PEX14: variants seen among roughly 807,000 people sequenced by gnomAD.
The protein encoded by PEX14 is peroxisomal membrane protein PEX14.
PEX14 carries 15 observed loss-of-function variants against 49.5 expected under a neutral mutation model. The ratio of observed to expected loss-of-function variants is 0.30; its 90% confidence interval spans 0.20 to 0.47. The LOEUF (loss-of-function observed/expected upper bound fraction) is 0.47, where lower values mean the gene tolerates loss of function less well. Among genes scored for constraint, PEX14 ranks in the 20% least tolerant of loss-of-function variants. The pLI is 1.00. For missense variants in PEX14, 398 were observed against 494.8 expected, an observed-to-expected ratio of 0.80 and a Z score of 1.86; for synonymous variants, 210 against 212.7, an observed-to-expected ratio of 0.99 and a Z score of 0.11.
At position 10,628,361 on chromosome 1, in the gene PEX14, T is replaced by G. The variant is rs140460353; in HGVS notation, c.677+998T>G. On this transcript the variant is annotated intron_variant, in intron 8 of 8. Transcript: ENST00000356607. The surrounding 1 kb of genome is among the most constrained non-coding windows in gnomAD (Gnocchi z 4.5). ...GCATGGGGTGTCCTTGTTTCCCTGC[T>G]GGGCTGGATTTGTTGGGAGCTGGGT... is the stretch of plus-strand genomic sequence containing the variant. 2.0e-4 allele frequency among the ~76,000 whole-genome samples: 30 copies of G among 152,370 alleles called. No homozygotes were observed. The East Asian group carries it at 4.2e-3, about 22-fold the overall frequency.
In PEX14 at chr1:10,565,154, G is replaced by A. The variant is rs551163584; in HGVS notation, c.169+28857G>A. Among the ~76,000 whole-genome samples, 502 of 152,202 alleles carry A rather than the reference G, an allele frequency of 3.3e-3. 2 individuals are homozygous for A. The highest frequency in any genetic ancestry group is 0.012 in the African/African-American group (489 of 41,556). ...CCTGACCTCGTGATCTGCCCGCCTC[G>A]GCCTCCCAAAGTGCTGGGATTACAG... On this transcript the variant is annotated intron_variant, in intron 3 of 8. Transcript: ENST00000356607.
intron 3 of PEX14, chr1:10,536,558 CAG>C (rs1237835675): frequency 6.2e-6 from 3 of 487,602 alleles, no homozygotes; most frequent in Non-Finnish European, 1.1e-5. Flanking sequence ...CATTCAGTAG[CAG>C]AGTCGGCCCA....
At chr1:10,508,007 C>T (rs1378679553) in intron 2 of PEX14, among the ~76,000 whole-genome samples, 2 of 152,172 alleles carry the variant, frequency 1.3e-5, no homozygotes, top group African/African-American at 4.8e-5. Flanking sequence ...AACTTTCCCC[C>T]ATGGGCACGT....
chr1:10,601,672 A>G (rs1454026389), intron 4 of PEX14, among the ~76,000 whole-genome samples: 2 of 152,222 alleles, frequency 1.3e-5, no homozygotes, highest in Admixed American at 6.5e-5. Flanking sequence ...TATTTGGGCT[A>G]CTGGGTTAGC....
At chr1:10,609,694 G>T (rs1408772802) in intron 4 of PEX14, among the ~76,000 whole-genome samples, 5 of 152,138 alleles carry the variant, frequency 3.3e-5, no homozygotes, top group Admixed American at 3.3e-4. Context: ...AGACCAGCCT[G>T]GCCAACATGG....
In PEX14 at chr1:10,623,272, G is replaced by C. The variant is rs572063377; in HGVS notation, c.487+151G>C. ...GTTCACATTTGCAAATGAAGCCGCC[G>C]TCATTTCGGTTTAATTTGAAATTGC... On this transcript the variant is annotated intron_variant, in intron 6 of 8. Transcript: ENST00000356607. This position sits in a 1 kb window ranked among gnomAD's most constrained non-coding sequence, Gnocchi z 4.4. 7.5e-6 allele frequency: 5 copies of C among 663,212 alleles called. No individual in the cohort carries two copies. Among genetic ancestry groups the C allele is most frequent in the Non-Finnish European group, 1.1e-5 (4 of 359,156 alleles). 41.1% of individuals were successfully genotyped at this position (663,212 alleles called of 1,614,324 possible).
At chr1:10,477,922 T>A (rs1401281947) in intron 1 of PEX14, among the ~76,000 whole-genome samples, 1 of 152,238 alleles carries the variant, frequency 6.6e-6, no homozygotes, top group Non-Finnish European at 1.5e-5. Flanking sequence ...CGAGTCTCAC[T>A]CTGTTGACCA....
At chr1:10,524,717 G>A (rs932131445) in intron 2 of PEX14, among the ~76,000 whole-genome samples, 14 of 151,862 alleles carry the variant, frequency 9.2e-5, no homozygotes, top group Admixed American at 4.6e-4. Flanking sequence ...TTTTAGAGAC[G>A]GGGTCTCACT....
chr1:10,522,762 G>T (rs991428733), intron 2 of PEX14, among the ~76,000 whole-genome samples: 4 of 152,168 alleles, frequency 2.6e-5, no homozygotes, highest in African/African-American at 9.7e-5. Context: ...CTAGAATGAG[G>T]CATTCTGGAT....
At chr1:10,587,484 C>T (rs1025269545) in intron 3 of PEX14, among the ~76,000 whole-genome samples, 1 of 152,034 alleles carries the variant, frequency 6.6e-6, no homozygotes. Flanking sequence ...AATTTTTTAA[C>T]CTTTCAGAAT....
chr1:10,594,315 A>T (rs1640766123), intron 3 of PEX14, among the ~76,000 whole-genome samples: 1 of 151,948 alleles, frequency 6.6e-6, no homozygotes. Flanking sequence ...GGGGCAGATA[A>T]CTTAGTTGTT....
chr1:10,602,464 A>G (rs904943734), intron 4 of PEX14, among the ~76,000 whole-genome samples: 5 of 152,188 alleles, frequency 3.3e-5, no homozygotes, highest in Non-Finnish European at 7.3e-5. Context: ...TAGAGAAACA[A>G]GACTTTGCCT....
At chr1:10,521,438 G>A (rs190625915) in intron 2 of PEX14, among the ~76,000 whole-genome samples, 2 of 152,080 alleles carry the variant, frequency 1.3e-5, no homozygotes, top group Non-Finnish European at 2.9e-5. Context: ...CTTTATTTTA[G>A]GTTTTAAAAA....
intron 4 of PEX14, among the ~76,000 whole-genome samples, chr1:10,615,284 A>G (rs1487138054): frequency 6.6e-6 from 1 of 152,260 alleles, no homozygotes; most frequent in Non-Finnish European, 1.5e-5. Context: ...GATGCAGATC[A>G]CAGACAGCGG....
chr1:10,483,569 C>G (rs1419931509), intron 1 of PEX14, among the ~76,000 whole-genome samples: 1 of 150,442 alleles, frequency 6.6e-6, no homozygotes, highest in Non-Finnish European at 1.5e-5. Context: ...CCCGCCTCGG[C>G]CCCCCAAAGT....
intron 4 of PEX14, among the ~76,000 whole-genome samples, chr1:10,604,543 C>G (rs762554269): frequency 1.3e-5 from 2 of 152,130 alleles, no homozygotes; most frequent in African/African-American, 4.8e-5. Context: ...CCCAGGAGAT[C>G]GAGTCTGCAG....
intron 3 of PEX14, among the ~76,000 whole-genome samples, chr1:10,593,967 G>C (rs1314236284): frequency 1.3e-5 from 2 of 152,184 alleles, no homozygotes; most frequent in Non-Finnish European, 2.9e-5. Flanking sequence ...GGCTGGATCA[G>C]GTGGCACGGA....
chr1:10,555,815 C>T (rs1395306851), intron 3 of PEX14, among the ~76,000 whole-genome samples: 1 of 152,188 alleles, frequency 6.6e-6, no homozygotes, highest in Non-Finnish European at 1.5e-5. Context: ...CCGGGCCTCA[C>T]CTGTGGCCGG....
chr1:10,488,184 G>A (rs1191891954), intron 1 of PEX14, among the ~76,000 whole-genome samples: 1 of 152,110 alleles, frequency 6.6e-6, no homozygotes, highest in East Asian at 1.9e-4. Context: ...GTTTTGGTAT[G>A]TTGTGTCTCA....
Sources: allele counts gnomAD v4.1 joint callset (sites outside exome capture counted in the v4.1 genomes callset), GRCh38; gene constraint gnomAD v4.1.1; non-coding constraint Gnocchi (gnomAD v3.1); transcripts MANE v1.5; gene names NCBI Gene and HGNC (gene_info 2026-07-23, HGNC 2026-07-21).